The following AOPEP variants were observed in gnomAD, a reference collection of about 807,000 sequenced individuals.
AOPEP encodes aminopeptidase O.
In AOPEP, 77 loss-of-function variants were observed where a neutral mutation model predicts 98.1. The ratio of observed to expected loss-of-function variants is 0.78; its 90% CI spans 0.65 to 0.95. The LOEUF is 0.95. Among genes scored for constraint, AOPEP ranks in the 40% least tolerant of loss-of-function variants. AOPEP has a pLI of 0.00. For synonymous variants in AOPEP, 346 were observed against 365.3 expected, an observed-to-expected ratio of 0.95 and a Z score of 0.60; for missense variants, 1,024 against 1,024.7, an observed-to-expected ratio of 1.00 and a Z score of 0.01.
chr9:94,895,027 T>G (rs1175005349), intron 5 of AOPEP, among the ~76,000 whole-genome samples: 1 of 151,766 alleles, frequency 6.6e-6, no homozygotes, highest in Non-Finnish European at 1.5e-5. Context: ...ATTTCTTTAA[T>G]GTTATGTAAA....
chr9:95,083,466 G>C (rs1476365527), intron 16 of AOPEP, among the ~76,000 whole-genome samples: 2 of 135,342 alleles, frequency 1.5e-5, no homozygotes, highest in Non-Finnish European at 3.1e-5. Flanking sequence ...GCACCACACA[G>C]AGCACACGCG....
rs544568279 is a variant in AOPEP at position 94,775,520 on chromosome 9, C to T, written c.964+2352C>T. 9.9e-5 allele frequency among the ~76,000 whole-genome samples: 15 copies of T among 152,180 alleles called. No individual in the cohort carries two copies. The East Asian group carries it at 2.7e-3, about 28-fold the overall frequency. On this transcript the variant is annotated intron_variant, in intron 3 of 16. Transcript: ENST00000375315. The stretch of plus-strand genomic sequence containing the variant: ...TAGCTGGGACTACAGGCATACACCA[C>T]CATGCCCAACTAATTTTTGTATTTT...
the AOPEP span, among the ~76,000 whole-genome samples, chr9:95,106,282 A>G: frequency 1.3e-5 from 2 of 152,158 alleles, no homozygotes; most frequent in Non-Finnish European, 2.9e-5. Context: ...TGTCTGTTCA[A>G]GTCCTTTGCC....
intron 13 of AOPEP, among the ~76,000 whole-genome samples, chr9:95,058,891 G>T (rs1357700944): frequency 1.3e-5 from 2 of 152,198 alleles, no homozygotes; most frequent in Non-Finnish European, 2.9e-5. Context: ...CATCACAGGA[G>T]GCTGAAGGGT....
chr9:95,060,569 A>G (rs192242826), intron 13 of AOPEP, 125 bp from the exon 14 acceptor site: 4 of 711,252 alleles, frequency 5.6e-6, no homozygotes, highest in Non-Finnish European at 1.0e-5. Flanking sequence ...CAGTCTTTCC[A>G]TGTTGCCAAT....
In AOPEP at chr9:94,745,829, T is replaced by C. The variant is rs545010599; in HGVS notation, c.-135-13820T>C. ...ATTGTGAATAGTGCTGCAGTAAGTA[T>C]GGGAGTGCAGGTATGTCTTTGATAT... On this transcript the variant is annotated intron_variant, in intron 1 of 16. Transcript: ENST00000375315. 3.9e-5 allele frequency among the ~76,000 whole-genome samples: 6 copies of C among 152,330 alleles called. No homozygotes were observed. In the South Asian group the frequency reaches 1.0e-3, roughly 26 times the overall value.
At chr9:94,842,797 T>C (rs1212357124) in intron 5 of AOPEP, among the ~76,000 whole-genome samples, 2 of 152,104 alleles carry the variant, frequency 1.3e-5, no homozygotes, top group African/African-American at 4.8e-5. Flanking sequence ...TAAAAATTAA[T>C]AAAAATAAAA....
intron 5 of AOPEP, among the ~76,000 whole-genome samples, chr9:94,861,665 A>T (rs2045011736): frequency 6.6e-6 from 1 of 152,116 alleles, no homozygotes; most frequent in South Asian, 2.1e-4. Context: ...ATTTGGTTTC[A>T]TTTGTCTTAG....
At chr9:94,739,117 A>C (rs1832478995) in intron 1 of AOPEP, among the ~76,000 whole-genome samples, 1 of 152,132 alleles carries the variant, frequency 6.6e-6, no homozygotes, top group Non-Finnish European at 1.5e-5. Context: ...GGCAGCTTGC[A>C]GGGCTCATCT....
chr9:94,787,520 C>A (rs1416032147), intron 3 of AOPEP, among the ~76,000 whole-genome samples: 2 of 152,142 alleles, frequency 1.3e-5, no homozygotes, highest in East Asian at 1.9e-4. Flanking sequence ...AAAATCAGGT[C>A]AAAAATTCAA....
chr9:95,027,775 G>A (rs1233016699), intron 13 of AOPEP, among the ~76,000 whole-genome samples: 1 of 152,086 alleles, frequency 6.6e-6, no homozygotes, highest in Non-Finnish European at 1.5e-5. Context: ...TTAGAACATG[G>A]CAGGGGTTAC....
chr9:94,801,771 A>C (rs1466845409), intron 5 of AOPEP, among the ~76,000 whole-genome samples: 1 of 152,212 alleles, frequency 6.6e-6, no homozygotes, highest in Non-Finnish European at 1.5e-5. Context: ...TTAGCAGTGA[A>C]TATGCTTGAC....
intron 13 of AOPEP, among the ~76,000 whole-genome samples, chr9:95,014,951 A>T (rs1390221763): frequency 6.6e-6 from 1 of 152,248 alleles, no homozygotes; most frequent in Non-Finnish European, 1.5e-5. Flanking sequence ...CCAAAGAGAC[A>T]TGAGAAATGT....
At chr9:95,017,199 A>G (rs2063079076) in intron 13 of AOPEP, among the ~76,000 whole-genome samples, 1 of 151,992 alleles carries the variant, frequency 6.6e-6, no homozygotes, top group Non-Finnish European at 1.5e-5. Context: ...TAACCATCAC[A>G]CATACATAAG....
At chr9:94,843,167 G>C (rs571879167) in intron 5 of AOPEP, among the ~76,000 whole-genome samples, 205 of 152,248 alleles carry the variant, frequency 1.3e-3, no homozygotes, top group African/African-American at 4.8e-3. Flanking sequence ...CAGAAACGCT[G>C]ATCTCTCTCC....
intron 7 of AOPEP, chr9:94,933,176 C>T (rs576859524): frequency 1.0e-6 from 1 of 985,776 alleles, no homozygotes; most frequent in East Asian, 1.1e-4. Flanking sequence ...ACAAGGTCCC[C>T]TCCTGACTCG....
chr9:94,950,739 TA>T (rs1156501976), intron 7 of AOPEP, among the ~76,000 whole-genome samples: 5 of 152,222 alleles, frequency 3.3e-5, no homozygotes, highest in Non-Finnish European at 7.3e-5. Context: ...AGCAGGTTTA[TA>T]GTTGAAGAAT....
At chr9:94,931,949 T>A in intron 7 of AOPEP, 1 of 1,138,758 alleles carries the variant, frequency 8.8e-7, no homozygotes, top group Admixed American at 3.1e-5. Flanking sequence ...TCAGAAAGAC[T>A]GAGTAATGCG....
At chr9:94,962,754 A>G (rs1589096509) in intron 9 of AOPEP, among the ~76,000 whole-genome samples, 1 of 112,452 alleles carries the variant, frequency 8.9e-6, no homozygotes, top group African/African-American at 4.9e-5. Flanking sequence ...TTTTTTTGAG[A>G]CGAAGTCTCA....
Sources: gnomAD v4.1 joint callset for allele counts (sites outside exome capture counted in the v4.1 genomes callset) on GRCh38, gnomAD v4.1.1 for gene constraint, MANE v1.5 for transcripts, NCBI Gene and HGNC (gene_info 2026-07-23, HGNC 2026-07-21) for gene names.